FXR1: variants seen among roughly 807,000 people sequenced by gnomAD.
FXR1 encodes the protein FMR1 autosomal homolog 1, also known as RNA-binding protein FXR1.
FXR1 carries 15 observed loss-of-function variants against 84.0 expected under a neutral mutation model. That is an observed-to-expected ratio of 0.18 (90% CI 0.12 to 0.27). The LOEUF is 0.27. Among genes scored for constraint, FXR1 ranks in the 10% least tolerant of loss-of-function variants. The probability of loss-of-function intolerance (pLI) is 1.00; values close to 1 mark genes in which losing one functional copy is unlikely to be tolerated. For synonymous variants in FXR1, 245 were observed against 250.7 expected (o/e 0.98, Z 0.21); for missense variants, 480 against 774.4 (o/e 0.62, Z 4.51).
chr3:180,977,396 CCT>C lies in FXR1; in HGVS notation c.*1105_*1106del, dbSNP rs568754191. On this transcript the variant is annotated 3_prime_UTR_variant, in exon 17 of 17. Coordinates refer to ENST00000357559, the MANE Select transcript of FXR1 (RefSeq NM_005087.4). ...ATACATGTGATAATTAGCAAAAAAA[CCT>C]AACAAAATTCTAATCAAAGGCAACT... 2.1e-3 allele frequency: 325 copies of C among 151,834 alleles called. 1 individual carries two copies. Among genetic ancestry groups the C allele is most frequent in the African/African-American group, 7.3e-3 (303 of 41,324 alleles). The allele number at this position is 151,834 out of a possible 1,614,324, so 9.4% of individuals were successfully genotyped here.
chr3:180,951,117 G>C (rs1187307911), intron 7 of FXR1, among the ~76,000 whole-genome samples, 181 bp from the exon 8 acceptor site: 1 of 151,884 alleles, frequency 6.6e-6, no homozygotes, highest in Non-Finnish European at 1.5e-5. Flanking sequence ...CAACTATTCA[G>C]GAGGCTGAAG....
At chr3:180,970,075 C>T (rs1411275018) in intron 14 of FXR1, 83 bp from the exon 15 acceptor site, 7 of 649,654 alleles carry the variant, frequency 1.1e-5, no homozygotes, top group Admixed American at 2.0e-5. Flanking sequence ...GTTTATTTGT[C>T]ATTGATATAG....
At chr3:180,962,334 C>G (rs1712226362) in intron 11 of FXR1, among the ~76,000 whole-genome samples, 1 of 152,112 alleles carries the variant, frequency 6.6e-6, no homozygotes, top group African/African-American at 2.4e-5. Context: ...ATTTTGAAGC[C>G]AGTGCTTTAT....
intron 11 of FXR1, among the ~76,000 whole-genome samples, chr3:180,962,351 G>A (rs148077123): frequency 0.01 from 1,553 of 152,204 alleles, 32 homozygotes; most frequent in African/African-American, 0.036. Context: ...TTATCTTTCA[G>A]TACTCATCTT....
At chr3:180,971,201 A>T (rs1295852637) in intron 15 of FXR1, 1 of 635,840 alleles carries the variant, frequency 1.6e-6, no homozygotes, top group East Asian at 7.7e-5. Flanking sequence ...CAAGCATGAA[A>T]AAAATGTCTA....
intron 13 of FXR1, among the ~76,000 whole-genome samples, chr3:180,963,844 T>C (rs1477766155): frequency 6.6e-6 from 1 of 152,164 alleles, no homozygotes; most frequent in Non-Finnish European, 1.5e-5. Flanking sequence ...GACTTGGATC[T>C]TAGCAGTGAC....
intron 3 of FXR1, 32 bp from the exon 4 acceptor site, chr3:180,947,833 G>T: frequency 7.8e-7 from 1 of 1,275,848 alleles, no homozygotes; most frequent in South Asian, 1.4e-5. Context: ...CTTTTGGGAT[G>T]AATGGATATA....
At chr3:180,951,584 A>C (rs150549760) in intron 8 of FXR1, 116 bp downstream of exon 8, 1 of 730,550 alleles carries the variant, frequency 1.4e-6, no homozygotes, top group Admixed American at 2.8e-5. Context: ...AATTTATTCA[A>C]TTAGCATCAG....
chr3:180,964,720 T>C (rs1184295945), intron 13 of FXR1, among the ~76,000 whole-genome samples: 1 of 148,100 alleles, frequency 6.8e-6, no homozygotes, highest in African/African-American at 2.5e-5. Context: ...TGTAGTTTTA[T>C]CAGTTTAATA....
intron 3 of FXR1, among the ~76,000 whole-genome samples, chr3:180,937,089 T>C (rs770769721): frequency 6.6e-6 from 1 of 152,244 alleles, no homozygotes; most frequent in Middle Eastern, 3.2e-3. Flanking sequence ...TTTTTCTCAA[T>C]ATTGTATCTC....
chr3:180,949,551 A>G (rs1039889127), intron 7 of FXR1, among the ~76,000 whole-genome samples: 4 of 152,072 alleles, frequency 2.6e-5, no homozygotes, highest in Non-Finnish European at 4.4e-5. Context: ...AAGCCCAGCT[A>G]ATTTTTGTAT....
intron 1 of FXR1, among the ~76,000 whole-genome samples, chr3:180,920,517 C>CTTT (rs11359852): frequency 1.1e-4 from 14 of 127,376 alleles, no homozygotes; most frequent in Admixed American, 2.4e-4. Context: ...TAGTTTTGTT[C>CTTT]TTTTTTTTTT....
chr3:180,980,833 C>T lies in FXR1; in HGVS notation c.*4541C>T, dbSNP rs577634878. 18 of 152,076 alleles carry T rather than the reference C, an allele frequency of 1.2e-4. No individual in the cohort carries two copies. The highest frequency in any genetic ancestry group is 4.1e-4 in the African/African-American group (17 of 41,510). The allele number at this position is 152,076 out of a possible 1,614,324, so 9.4% of individuals were successfully genotyped here. A position where few individuals can be genotyped will look rare whatever the true frequency, so the allele number is the denominator to read the frequency against. ...TGTACAGCAGTCCAAAAACTAAAAC[C>T]AGAGCTTAGGTCATTCAAGTTAACT... On this transcript the variant is annotated 3_prime_UTR_variant, in exon 17 of 17. Coordinates refer to ENST00000357559, the MANE Select transcript of FXR1 (RefSeq NM_005087.4).
At chr3:180,920,520 T>C (rs1576889963) in intron 1 of FXR1, among the ~76,000 whole-genome samples, 1 of 149,464 alleles carries the variant, frequency 6.7e-6, no homozygotes, top group East Asian at 1.9e-4. Context: ...TTTTGTTCTT[T>C]TTTTTTTTTT....
At position 180,912,742 on chromosome 3, in the gene FXR1, G is replaced by C. The variant is rs370764336; in HGVS notation, c.51+6G>C. On this transcript the variant is annotated splice_donor_region_variant and intron_variant, in intron 1 of 16. Transcript: ENST00000357559. The stretch of plus-strand genomic sequence containing the variant: ...CTAACGGGGCTTTCTACAAGGTACT[G>C]ACCGTTTTGCCACTTTGTCGAGTGT... The C allele has an allele frequency of 1.6e-5, 26 of 1,613,996 alleles. No individual in the cohort carries two copies. Among genetic ancestry groups the C allele is most frequent in the African/African-American group, 1.1e-4 (8 of 74,916 alleles).
chr3:180,925,276 G>A (rs570123), intron 1 of FXR1, among the ~76,000 whole-genome samples: 28,694 of 151,442 alleles, frequency 0.19, 3,097 homozygotes, highest in East Asian at 0.34. Flanking sequence ...CAGAAGAATC[G>A]CTTGAACTGG....
intron 1 of FXR1, among the ~76,000 whole-genome samples, chr3:180,915,251 A>G (rs544913848): frequency 3.9e-5 from 6 of 152,186 alleles, no homozygotes; most frequent in Non-Finnish European, 7.3e-5. Flanking sequence ...AATGCTGACA[A>G]TTATCAAGAT....
chr3:180,922,516 T>G (rs1171183897), intron 1 of FXR1, among the ~76,000 whole-genome samples: 1 of 152,202 alleles, frequency 6.6e-6, no homozygotes, highest in Non-Finnish European at 1.5e-5. Flanking sequence ...TGTTGGGGTG[T>G]CCTTTGTCAG....
At chr3:180,969,592 T>C (rs989170665) in intron 14 of FXR1, among the ~76,000 whole-genome samples, 1 of 152,226 alleles carries the variant, frequency 6.6e-6, no homozygotes, top group African/African-American at 2.4e-5. Flanking sequence ...TTCAACCTTA[T>C]TTAATTGGCT....
Sources: gnomAD v4.1 joint callset for allele counts (sites outside exome capture counted in the v4.1 genomes callset) on GRCh38, gnomAD v4.1.1 for gene constraint, MANE v1.5 for transcripts, NCBI Gene and HGNC (gene_info 2026-07-23, HGNC 2026-07-21) for gene names.